Variants in RBFOX1 observed in about 807,000 individuals in gnomAD.
RBFOX1 encodes RNA binding fox-1 homolog 1, also known as RNA binding protein fox-1 homolog 1.
RBFOX1 carries 8 observed loss-of-function variants against 57.7 expected under a neutral mutation model. The ratio of observed to expected loss-of-function variants is 0.14; its 90% CI spans 0.08 to 0.25. The LOEUF is 0.25. RBFOX1 is among the 10% of genes least tolerant of loss of function. The pLI is 1.00. For synonymous variants in RBFOX1, 326 were observed against 222.4 expected (o/e 1.47, Z -4.15); for missense variants, 611 against 548.5 (o/e 1.11, Z -1.14).
intron 12 of RBFOX1, among the ~76,000 whole-genome samples, chr16:7,655,776 C>G (rs757795164): frequency 6.6e-6 from 1 of 152,160 alleles, no homozygotes; most frequent in African/African-American, 2.4e-5. Flanking sequence ...CCATCAGTAT[C>G]TCACTACTAT....
chr16:6,881,797 A>G (rs74716748), intron 3 of RBFOX1, among the ~76,000 whole-genome samples: 4,207 of 152,246 alleles, frequency 0.028, 208 homozygotes, highest in African/African-American at 0.091. Context: ...CCTCAATGCA[A>G]CCTACATACT....
chr16:7,553,359 G>A (rs979869234), intron 5 of RBFOX1, among the ~76,000 whole-genome samples: 1 of 152,074 alleles, frequency 6.6e-6, no homozygotes, highest in Non-Finnish European at 1.5e-5. Flanking sequence ...TGCTCAGGCT[G>A]GTCTCAAACT....
chr16:5,451,763 T>G (rs535923368), intron 1 of RBFOX1, among the ~76,000 whole-genome samples: 39 of 152,158 alleles, frequency 2.6e-4, no homozygotes, highest in African/African-American at 8.9e-4. Context: ...AGCTCATTCA[T>G]TCCGCTCTTT....
chr16:5,891,827 G>T (rs1288227428), intron 4 of RBFOX1, among the ~76,000 whole-genome samples: 1 of 152,164 alleles, frequency 6.6e-6, no homozygotes, highest in Non-Finnish European at 1.5e-5. Context: ...CTCTGACCTT[G>T]ATGGAGGCTT....
chr16:5,919,768 A>T (rs1408076870), intron 4 of RBFOX1, among the ~76,000 whole-genome samples: 2 of 152,084 alleles, frequency 1.3e-5, no homozygotes, highest in Non-Finnish European at 2.9e-5. Context: ...GTTAGGAGTG[A>T]CTCTGCATTC....
chr16:7,652,343 C>G (rs1303232990), intron 11 of RBFOX1, among the ~76,000 whole-genome samples: 1 of 152,114 alleles, frequency 6.6e-6, no homozygotes, highest in East Asian at 1.9e-4. Context: ...AATTCCCCTT[C>G]CTAACTCCTC....
rs533550317 is a variant in RBFOX1, at chr16:6,223,778, T to C, written c.-126-93217T>C. ...GTTTTAGACATGAAGTCCTTGCCCA[T>C]GTCTATGTCTTGAATGGTAATGCCT... is the stretch of plus-strand genomic sequence containing the variant. On this transcript the variant is annotated intron_variant, in intron 1 of 15. Transcript: ENST00000550418. Among the ~76,000 whole-genome samples, 206 of 152,362 alleles carry C rather than the reference T, an allele frequency of 1.4e-3. 1 individual carries two copies. Among genetic ancestry groups the C allele is most frequent in the Non-Finnish European group, 4.6e-4 (31 of 68,036 alleles).
intron 4 of RBFOX1, among the ~76,000 whole-genome samples, chr16:7,254,666 A>G (rs2094608021): frequency 6.6e-6 from 1 of 152,086 alleles, no homozygotes. Context: ...TTGGAGGTGA[A>G]AGCCATTCAA....
chr16:6,970,014 C>T (rs1332281055), intron 3 of RBFOX1, among the ~76,000 whole-genome samples: 1 of 151,196 alleles, frequency 6.6e-6, no homozygotes, highest in African/African-American at 2.4e-5. Flanking sequence ...ATAGCAAGAC[C>T]CCATTTAAAA....
At chr16:7,629,130 C>G (rs1280644888) in intron 10 of RBFOX1, among the ~76,000 whole-genome samples, 2 of 152,180 alleles carry the variant, frequency 1.3e-5, no homozygotes, top group Non-Finnish European at 2.9e-5. Context: ...ATGGGACATT[C>G]CTTCAGGTAG....
intron 3 of RBFOX1, among the ~76,000 whole-genome samples, chr16:6,952,428 CTTGAGCCCAGGAGT>C (rs914290921): frequency 2.6e-5 from 4 of 152,120 alleles, no homozygotes; most frequent in Non-Finnish European, 5.9e-5. Context: ...AGGAGGATTG[CTTGAGCCCAGGAGT>C]TTGAGACCAG....
At chr16:6,838,140 C>A (rs1248123549) in intron 3 of RBFOX1, among the ~76,000 whole-genome samples, 1 of 152,060 alleles carries the variant, frequency 6.6e-6, no homozygotes, top group Non-Finnish European at 1.5e-5. Flanking sequence ...TAAAGCCCCA[C>A]ATGCATTAAG....
intron 1 of RBFOX1, among the ~76,000 whole-genome samples, chr16:5,402,699 T>G (rs13380434): frequency 6.6e-6 from 1 of 152,086 alleles, no homozygotes; most frequent in Non-Finnish European, 1.5e-5. Flanking sequence ...TTTTGAGCCT[T>G]CCTTAAAACC....
At chr16:5,834,247 G>A (rs1379228043) in intron 3 of RBFOX1, among the ~76,000 whole-genome samples, 6 of 152,122 alleles carry the variant, frequency 3.9e-5, no homozygotes, top group Admixed American at 3.3e-4. Context: ...TACCCAGTAG[G>A]TAGTTTTTCA....
intron 4 of RBFOX1, among the ~76,000 whole-genome samples, chr16:7,059,487 A>C (rs1334821478): frequency 2.0e-5 from 3 of 152,248 alleles, no homozygotes; most frequent in Admixed American, 1.3e-4. Flanking sequence ...TTATTCTCTT[A>C]TACCTCACAG....
chr16:6,306,356 G>A (rs999066095), intron 1 of RBFOX1, among the ~76,000 whole-genome samples: 3 of 152,116 alleles, frequency 2.0e-5, no homozygotes, highest in Admixed American at 6.5e-5. Context: ...TGCTGGAGCC[G>A]GGCAAGTTGC....
At chr16:6,195,172 C>G (rs1286547166) in intron 1 of RBFOX1, among the ~76,000 whole-genome samples, 1 of 152,148 alleles carries the variant, frequency 6.6e-6, no homozygotes, top group African/African-American at 2.4e-5. Context: ...GACATATTTT[C>G]CTTTATAAAA....
At chr16:6,987,261 G>A (rs1186963464) in intron 3 of RBFOX1, among the ~76,000 whole-genome samples, 7 of 152,084 alleles carry the variant, frequency 4.6e-5, no homozygotes, top group Admixed American at 4.6e-4. Flanking sequence ...TTGAATCATG[G>A]AATATTCATG....
At chr16:6,885,383 C>T (rs11645981) in intron 3 of RBFOX1, among the ~76,000 whole-genome samples, 33,963 of 152,062 alleles carry the variant, frequency 0.22, 4,733 homozygotes, top group Admixed American at 0.36. Context: ...GAAGCATGCT[C>T]ATGAGTCAAA....
Sources: gnomAD v4.1 joint callset for allele counts (sites outside exome capture counted in the v4.1 genomes callset) on GRCh38, gnomAD v4.1.1 for gene constraint, MANE v1.5 for transcripts, NCBI Gene and HGNC (gene_info 2026-07-23, HGNC 2026-07-21) for gene names.